VWDE: variants seen among roughly 807,000 people sequenced by gnomAD.
VWDE encodes von Willebrand factor D and EGF domain-containing protein.
Under a neutral mutation model 178.4 loss-of-function variants are expected in VWDE, and 207 were observed. The observed-to-expected ratio is 1.16, with a 90% CI of 1.04 to 1.30. VWDE has a LOEUF of 1.30. Ranked by LOEUF, VWDE falls within the 50% of genes most tolerant of loss-of-function variation. The pLI, the probability that VWDE is intolerant of heterozygous loss-of-function variation, is 0.00. For missense variants in VWDE, 2,287 were observed against 1,901.3 expected (o/e 1.20, Z -3.77); for synonymous variants, 738 against 651.4 (o/e 1.13, Z -2.02).
chr7:12,383,713 C>A, intron 3 of VWDE, 112 bp from the exon 4 acceptor site: 3 of 851,212 alleles, frequency 3.5e-6, no homozygotes, highest in Non-Finnish European at 5.4e-6. Flanking sequence ...CTAAGACTTT[C>A]TTAATTCTTC....
intron 16 of VWDE, among the ~76,000 whole-genome samples, chr7:12,358,758 C>T (rs1009832892): frequency 6.6e-6 from 1 of 152,152 alleles, no homozygotes; most frequent in African/African-American, 2.4e-5. Context: ...CAAACTATAG[C>T]CATTGACAAA....
rs368712883 is a variant in VWDE at position 12,362,923 on chromosome 7, A to C, written c.2899-1402T>G. On this transcript the variant is annotated intron_variant, in intron 13 of 28. Coordinates refer to ENST00000275358, the MANE Select transcript of VWDE (RefSeq NM_001135924.3). ...CAGTCTCGGTTTCTTGTGCAGAAAG[A>C]AAGCTCCAGCTAATGACTGGCAATA... Among the ~76,000 whole-genome samples the C allele has an allele frequency of 7.6e-4, 115 of 152,262 alleles. 1 individual carries two copies. Among genetic ancestry groups the C allele is most frequent in the African/African-American group, 2.7e-3 (113 of 41,564 alleles).
chr7:12,334,615 T>G (rs1332459911), intron 27 of VWDE, among the ~76,000 whole-genome samples: 1 of 152,210 alleles, frequency 6.6e-6, no homozygotes, highest in African/African-American at 2.4e-5. Flanking sequence ...TTAAGAAATA[T>G]CATTATATTA....
At chr7:12,376,411 C>T (rs1040933397) in intron 7 of VWDE, among the ~76,000 whole-genome samples, 7 of 152,002 alleles carry the variant, frequency 4.6e-5, no homozygotes, top group African/African-American at 1.4e-4. Flanking sequence ...AAACAAAAGC[C>T]ATTTTTAATT....
In VWDE at chr7:12,342,748, T is replaced by C. The variant is rs569236981; in HGVS notation, c.4174+335A>G. Among the ~76,000 whole-genome samples, 1,230 of 151,986 alleles carry C rather than the reference T, an allele frequency of 8.1e-3. 5 individuals are homozygous for C. Among genetic ancestry groups the C allele is most frequent in the Middle Eastern group, 0.014 (4 of 294 alleles). On this transcript the variant is annotated intron_variant, in intron 22 of 28. Coordinates refer to ENST00000275358, the MANE Select transcript of VWDE (RefSeq NM_001135924.3). ...GCACAATGTGCAGGTTAGTTACATA[T>C]GTATACATGTGCCATGCTGGTGTGC...
intron 12 of VWDE, among the ~76,000 whole-genome samples, chr7:12,368,989 T>C (rs190069530): frequency 6.6e-6 from 1 of 152,280 alleles, no homozygotes; most frequent in Non-Finnish European, 1.5e-5. Context: ...AATCAGGAGT[T>C]ACTGGTTTAC....
Position 12,359,633 on chromosome 7 carries a change from G to C in VWDE, c.3219C>G (p.Ser1073Arg). 6.5e-7 allele frequency: 1 copy of C among 1,550,184 alleles called. No homozygotes were observed. Among genetic ancestry groups the C allele is most frequent in the Admixed American group, 2.0e-5 (1 of 50,926 alleles). ...TTTTGGGTCTACAAATCAAACAAGG[G>C]CTGGTTGGATTTTTGTCTCCTTCAA... ...CYVEGDKNPT[S>R]PCLICRPKIS... The change falls in exon 16 of 29, where the codon AGC (serine) becomes AGG (arginine). Residue 1073 changes from serine (S) to arginine (R), a missense_variant. Transcript: ENST00000275358.
intron 27 of VWDE, among the ~76,000 whole-genome samples, chr7:12,335,092 A>G (rs1020735764): frequency 2.0e-5 from 3 of 152,328 alleles, no homozygotes; most frequent in South Asian, 2.1e-4. Flanking sequence ...GGTTCATAAG[A>G]CATTGAAATG....
At chr7:12,403,565 C>A in intron 1 of VWDE, 94 bp downstream of exon 1, 1 of 1,234,160 alleles carries the variant, frequency 8.1e-7, no homozygotes. Context: ...CGCACAGGGA[C>A]GCTCCCCAAG....
In VWDE at chr7:12,361,441, C is replaced by A; in HGVS notation, c.2979G>T (p.Gln993His). 1 of 1,551,222 alleles carries A rather than the reference C, an allele frequency of 6.4e-7. No individual in the cohort carries two copies. Among genetic ancestry groups the A allele is most frequent in the East Asian group, 2.4e-5 (1 of 40,874 alleles). The change falls in exon 14 of 29, where the codon CAG becomes CAT. Residue 993 changes from glutamine to histidine, a missense_variant. Transcript: ENST00000275358. ...VFHNSRAVDC[Q>H]LPTDVQQFDT... ...CAAACTGCTGAACATCAGTGGGCAGCTGACAATCAACAGCTCTGCTATTGT... is the reference window on the plus strand; with the variant it reads ...CAAACTGCTGAACATCAGTGGGCAGATGACAATCAACAGCTCTGCTATTGT...
rs950050279 is a variant in VWDE, at chr7:12,344,479, A to T, written c.3887-10T>A. On this transcript the variant is annotated splice_polypyrimidine_tract_variant and intron_variant, in intron 19 of 28. Coordinates refer to ENST00000275358, the MANE Select transcript of VWDE (RefSeq NM_001135924.3). ...GGATATTTACAAATGGCTAAAAAAA[A>T]ATCAAAGAAAAAAAGGTTGATTGCT... 1 of 1,542,996 alleles carries T rather than the reference A, an allele frequency of 6.5e-7. No homozygotes were observed. The highest frequency in any genetic ancestry group is 8.8e-7 in the Non-Finnish European group (1 of 1,142,842).
rs180893935 is a variant in VWDE, at chr7:12,357,153, T to C, written c.3525+112A>G. Reference sequence around the variant, plus strand: ...GCAGTTTAATTTTCCATACAATGTTTAATAACTTTGTTGCTCTTTACAACT... The same window carrying C: ...GCAGTTTAATTTTCCATACAATGTTCAATAACTTTGTTGCTCTTTACAACT... On this transcript the variant is annotated intron_variant, in intron 17 of 28. Coordinates refer to ENST00000275358, the MANE Select transcript of VWDE (RefSeq NM_001135924.3). 1.5e-5 allele frequency: 20 copies of C among 1,332,238 alleles called. No individual in the cohort carries two copies. The Admixed American group carries it at 2.4e-4, about 16-fold the overall frequency. 82.5% of individuals were successfully genotyped at this position (1,332,238 alleles called of 1,614,324 possible).
chr7:12,388,553 T>A (rs1045490480), intron 3 of VWDE, among the ~76,000 whole-genome samples: 2 of 152,208 alleles, frequency 1.3e-5, no homozygotes, highest in African/African-American at 2.4e-5. Context: ...AATTATCTAC[T>A]CATACATTTA....
intron 1 of VWDE, among the ~76,000 whole-genome samples, chr7:12,395,340 A>C (rs1361398814): frequency 6.6e-6 from 1 of 152,184 alleles, no homozygotes; most frequent in Admixed American, 6.5e-5. Flanking sequence ...TATTCCTAAT[A>C]AGGTGTGCAT....
chr7:12,333,389 A>T (rs1172543192), intron 28 of VWDE, 76 bp downstream of exon 28: 3 of 799,612 alleles, frequency 3.8e-6, no homozygotes, highest in African/African-American at 1.8e-5. Flanking sequence ...AACATTAATT[A>T]GTAACAATTA....
At chr7:12,356,059 T>A in intron 18 of VWDE, 52 bp downstream of exon 18, 2 of 1,414,308 alleles carry the variant, frequency 1.4e-6, no homozygotes, top group Non-Finnish European at 1.9e-6. Flanking sequence ...TCTGTAGATA[T>A]GTGTTTCAAG....
intron 3 of VWDE, 70 bp from the exon 4 acceptor site, chr7:12,383,671 T>G: frequency 4.9e-5 from 62 of 1,254,544 alleles, no homozygotes; most frequent in Middle Eastern, 1.9e-4. Flanking sequence ...ATATCCAAGA[T>G]GACAATTTAT....
At chr7:12,376,972 G>A (rs752345349) in intron 7 of VWDE, among the ~76,000 whole-genome samples, 2 of 151,774 alleles carry the variant, frequency 1.3e-5, no homozygotes, top group South Asian at 2.1e-4. Context: ...AAGGTCTATA[G>A]ATACCTTGTG....
chr7:12,358,110 C>G (rs1782363312), intron 16 of VWDE, among the ~76,000 whole-genome samples: 2 of 152,278 alleles, frequency 1.3e-5, no homozygotes, highest in African/African-American at 4.8e-5. Flanking sequence ...GGCATGGTGG[C>G]TCACACCTGT....
Sources: allele counts gnomAD v4.1 joint callset (sites outside exome capture counted in the v4.1 genomes callset), GRCh38; gene constraint gnomAD v4.1.1; transcripts MANE v1.5; gene names NCBI Gene and HGNC (gene_info 2026-07-23, HGNC 2026-07-21).